The following NAALADL2 variants were observed in gnomAD, a reference collection of about 807,000 sequenced individuals.
NAALADL2 encodes the protein inactive N-acetylated-alpha-linked acidic dipeptidase-like protein 2.
NAALADL2 carries 76 observed loss-of-function variants against 87.2 expected under a neutral mutation model. The observed-to-expected ratio is 0.87, with a 90% CI of 0.72 to 1.05. The LOEUF (loss-of-function observed/expected upper bound fraction) is 1.05. NAALADL2 is among the 50% of genes least tolerant of loss of function. The pLI, the probability that NAALADL2 is intolerant of heterozygous loss-of-function variation, is 0.00. For missense variants in NAALADL2, 1,089 were observed against 945.8 expected, an observed-to-expected ratio of 1.15 and a Z score of -1.99; for synonymous variants, 354 against 331.0, an observed-to-expected ratio of 1.07 and a Z score of -0.75.
chr3:175,434,603 C>G (rs1194769519), intron 5 of NAALADL2, among the ~76,000 whole-genome samples: 1 of 151,972 alleles, frequency 6.6e-6, no homozygotes, highest in African/African-American at 2.4e-5. Context: ...TGCTTATGAT[C>G]TGGTATGAAG....
chr3:175,524,699 T>A (rs1733141974), intron 9 of NAALADL2, among the ~76,000 whole-genome samples: 1 of 152,138 alleles, frequency 6.6e-6, no homozygotes, highest in Non-Finnish European at 1.5e-5. Context: ...TACCAAAAAT[T>A]TGTAACACTT....
At chr3:175,394,489 G>A (rs1345627572) in intron 5 of NAALADL2, among the ~76,000 whole-genome samples, 1 of 152,102 alleles carries the variant, frequency 6.6e-6, no homozygotes, top group Non-Finnish European at 1.5e-5. Flanking sequence ...CAAATATCAT[G>A]TGTCAATTTA....
intron 3 of NAALADL2, among the ~76,000 whole-genome samples, chr3:174,818,061 T>A (rs973351221): frequency 6.6e-6 from 1 of 152,176 alleles, no homozygotes; most frequent in African/African-American, 2.4e-5. Flanking sequence ...AGTCATTGAT[T>A]TGTGTCTGTT....
At chr3:174,892,121 G>A (rs934891360) in intron 1 of NAALADL2, among the ~76,000 whole-genome samples, 19 of 151,784 alleles carry the variant, frequency 1.3e-4, no homozygotes, top group South Asian at 4.2e-4. Flanking sequence ...AATATGAGGC[G>A]GTAAAGACTA....
At chr3:175,555,134 T>C (rs1262271267) in intron 9 of NAALADL2, among the ~76,000 whole-genome samples, 1 of 152,174 alleles carries the variant, frequency 6.6e-6, no homozygotes, top group Non-Finnish European at 1.5e-5. Context: ...GTTGTTTTTG[T>C]TTCTGTTTTG....
At chr3:175,475,352 A>G (rs1421227849) in intron 9 of NAALADL2, among the ~76,000 whole-genome samples, 1 of 152,206 alleles carries the variant, frequency 6.6e-6, no homozygotes, top group African/African-American at 2.4e-5. Context: ...TTCAAATAAT[A>G]GTTTTAAAAT....
At chr3:175,135,721 G>A (rs1729022106) in intron 2 of NAALADL2, among the ~76,000 whole-genome samples, 1 of 152,140 alleles carries the variant, frequency 6.6e-6, no homozygotes. Context: ...AATAGTAACT[G>A]GAGGATAGAT....
intron 13 of NAALADL2, among the ~76,000 whole-genome samples, chr3:175,802,797 T>A (rs1261363759): frequency 6.6e-6 from 1 of 152,034 alleles, no homozygotes; most frequent in Non-Finnish European, 1.5e-5. Flanking sequence ...TTCTGATCAT[T>A]TCTCTCTTTC....
At chr3:175,799,425 T>C (rs1232854950) in intron 13 of NAALADL2, among the ~76,000 whole-genome samples, 1 of 152,150 alleles carries the variant, frequency 6.6e-6, no homozygotes, top group East Asian at 1.9e-4. Context: ...TATGAATACA[T>C]ATATATATCC....
intron 1 of NAALADL2, among the ~76,000 whole-genome samples, chr3:175,009,059 C>G (rs1476404883): frequency 6.6e-6 from 1 of 152,052 alleles, no homozygotes; most frequent in Non-Finnish European, 1.5e-5. Flanking sequence ...TTTTATCTTT[C>G]TAGAGCAGTA....
intron 2 of NAALADL2, among the ~76,000 whole-genome samples, chr3:174,627,590 G>A (rs995239405): frequency 1.3e-5 from 2 of 152,238 alleles, no homozygotes; most frequent in Non-Finnish European, 2.9e-5. Context: ...TGCATGTTGT[G>A]TTTTATCCAA....
At chr3:174,699,046 C>T (rs13321886) in intron 2 of NAALADL2, among the ~76,000 whole-genome samples, 33,575 of 151,674 alleles carry the variant, frequency 0.22, 5,490 homozygotes, top group East Asian at 0.49. Flanking sequence ...TTTTCTTAAA[C>T]CTCTTCTCCT....
chr3:175,445,354 C>T (rs184855325), intron 5 of NAALADL2, among the ~76,000 whole-genome samples: 54 of 152,108 alleles, frequency 3.6e-4, no homozygotes, highest in Non-Finnish European at 5.3e-4. Context: ...AATATTTCTA[C>T]AGGTTTAATT....
intron 11 of NAALADL2, among the ~76,000 whole-genome samples, chr3:175,650,008 C>A (rs1394152905): frequency 7.3e-6 from 1 of 137,868 alleles, no homozygotes. Context: ...TCCTAGGAAT[C>A]AACACAACTC....
intron 1 of NAALADL2, among the ~76,000 whole-genome samples, chr3:174,491,351 C>T (rs1358595355): frequency 6.6e-6 from 1 of 152,134 alleles, no homozygotes; most frequent in East Asian, 1.9e-4. Context: ...AATTGTAGTT[C>T]ATGGAAGTGT....
At chr3:175,058,576 G>C (rs568816257) in intron 1 of NAALADL2, among the ~76,000 whole-genome samples, 1 of 152,026 alleles carries the variant, frequency 6.6e-6, no homozygotes, top group African/African-American at 2.4e-5. Context: ...ATGATAAGTC[G>C]GGGGGTGCAT....
chr3:175,393,849 C>T (rs1769396649), intron 5 of NAALADL2, among the ~76,000 whole-genome samples: 1 of 152,160 alleles, frequency 6.6e-6, no homozygotes, highest in African/African-American at 2.4e-5. Flanking sequence ...CTAAAAATGT[C>T]TTTGGTAGCT....
At chr3:175,256,868 C>G (rs1346560262) in intron 4 of NAALADL2, 1 of 161,662 alleles carries the variant, frequency 6.2e-6, no homozygotes, top group Non-Finnish European at 1.3e-5. Context: ...GAGAACCACC[C>G]TGTGTTCATC....
chr3:174,599,915 T>C (rs1718275457), intron 2 of NAALADL2, among the ~76,000 whole-genome samples: 1 of 152,078 alleles, frequency 6.6e-6, no homozygotes, highest in Admixed American at 6.6e-5. Flanking sequence ...AATAGTGGAG[T>C]AAGTCTTTGA....
Sources: gnomAD v4.1 joint callset for allele counts (sites outside exome capture counted in the v4.1 genomes callset) on GRCh38, gnomAD v4.1.1 for gene constraint, MANE v1.5 for transcripts, NCBI Gene and HGNC (gene_info 2026-07-23, HGNC 2026-07-21) for gene names.